ERC2: variants seen among roughly 807,000 people sequenced by gnomAD.
ERC2 encodes the protein ERC protein 2.
A neutral mutation model predicts 114.8 loss-of-function variants in ERC2; 42 were observed. The observed-to-expected ratio is 0.37, with a 90% CI of 0.29 to 0.47. ERC2 has a LOEUF of 0.47. Ranked by LOEUF, ERC2 falls within the 20% of genes least tolerant of loss-of-function variation. ERC2 has a pLI of 0.99. For missense variants in ERC2, 939 were observed against 1,150.7 expected (o/e 0.82, Z 2.66); for synonymous variants, 454 against 425.5 (o/e 1.07, Z -0.82).
chr3:55,926,799 G>T (rs2065779378), intron 13 of ERC2, among the ~76,000 whole-genome samples: 1 of 152,044 alleles, frequency 6.6e-6, no homozygotes, highest in Non-Finnish European at 1.5e-5. Context: ...CCTATTTCAG[G>T]TCTCTGTGGC....
chr3:56,380,125 A>C (rs1050911327), intron 2 of ERC2, among the ~76,000 whole-genome samples: 3 of 152,108 alleles, frequency 2.0e-5, no homozygotes, highest in African/African-American at 7.2e-5. Flanking sequence ...TCCCCTGGGA[A>C]GCAAAATTGC....
intron 14 of ERC2, among the ~76,000 whole-genome samples, chr3:55,851,117 T>G (rs1349975581): frequency 6.7e-6 from 1 of 149,538 alleles, no homozygotes; most frequent in Non-Finnish European, 1.5e-5. Context: ...GGCACATTCT[T>G]GGAAAAGCTC....
intron 6 of ERC2, among the ~76,000 whole-genome samples, chr3:56,125,116 A>G (rs893690521): frequency 6.6e-6 from 1 of 152,194 alleles, no homozygotes; most frequent in Admixed American, 6.5e-5. Flanking sequence ...TAACAAGTCC[A>G]TATTGAATCT....
chr3:56,295,435 T>C lies in ERC2; in HGVS notation c.1074+584A>G, dbSNP rs80327688. 1.9e-3 allele frequency among the ~76,000 whole-genome samples: 292 copies of C among 152,278 alleles called. 8 individuals carry two copies. In the East Asian group the frequency reaches 0.046, roughly 24 times the overall value. ...CCAGAGAGACTGCCTCTGAAGGACT[T>C]CAAATGATTTAATCTACTAAGGGCA... is the stretch of plus-strand genomic sequence containing the variant. On this transcript the variant is annotated intron_variant, in intron 3 of 17. Coordinates refer to ENST00000288221, the MANE Select transcript of ERC2 (RefSeq NM_015576.3).
intron 3 of ERC2, among the ~76,000 whole-genome samples, chr3:56,291,867 A>C (rs2055110422): frequency 6.6e-6 from 1 of 152,126 alleles, no homozygotes. Context: ...TCTAAAACTC[A>C]GTAGAGAATA....
At chr3:55,556,705 C>G (rs186949786) in intron 17 of ERC2, among the ~76,000 whole-genome samples, 2 of 152,330 alleles carry the variant, frequency 1.3e-5, no homozygotes, top group African/African-American at 4.8e-5. Context: ...AGGAGAGACT[C>G]AGGGTGGAGA....
intron 3 of ERC2, among the ~76,000 whole-genome samples, chr3:56,208,867 C>A (rs1372446754): frequency 6.6e-6 from 1 of 152,126 alleles, no homozygotes; most frequent in Non-Finnish European, 1.5e-5. Flanking sequence ...GGGGAAAATT[C>A]AGGCTGAGAA....
chr3:55,967,994 A>G (rs1389236742), intron 12 of ERC2, among the ~76,000 whole-genome samples: 1 of 152,164 alleles, frequency 6.6e-6, no homozygotes, highest in Non-Finnish European at 1.5e-5. Context: ...TTCAGTATAA[A>G]TTACCCAGTC....
chr3:56,027,506 G>GT (rs2074118166), intron 7 of ERC2, among the ~76,000 whole-genome samples: 1 of 152,044 alleles, frequency 6.6e-6, no homozygotes, highest in South Asian at 2.1e-4. Flanking sequence ...TTTTATTTTG[G>GT]TAATTCTTAT....
chr3:55,602,638 C>G (rs990279516), intron 17 of ERC2, among the ~76,000 whole-genome samples: 1 of 152,060 alleles, frequency 6.6e-6, no homozygotes, highest in Non-Finnish European at 1.5e-5. Context: ...TGGGCAGAAC[C>G]CTAGCTATTG....
chr3:55,651,413 T>A (rs1231498971), intron 17 of ERC2, among the ~76,000 whole-genome samples: 1 of 151,468 alleles, frequency 6.6e-6, no homozygotes, highest in Non-Finnish European at 1.5e-5. Context: ...TGTCTACATC[T>A]TCCTGTCCAT....
intron 3 of ERC2, among the ~76,000 whole-genome samples, chr3:56,242,254 G>A (rs2051372160): frequency 6.6e-6 from 1 of 152,098 alleles, no homozygotes; most frequent in Non-Finnish European, 1.5e-5. Context: ...TTTATAAGTG[G>A]GAGGTAAGCT....
intron 7 of ERC2, among the ~76,000 whole-genome samples, chr3:56,023,453 G>A (rs547215137): frequency 7.2e-5 from 11 of 152,044 alleles, no homozygotes; most frequent in Admixed American, 5.2e-4. Flanking sequence ...CCCTATCTTT[G>A]CCTATCTATT....
rs2066123304 is a variant in ERC2, at chr3:55,931,997, A to T, written c.2403+18428T>A. On this transcript the variant is annotated intron_variant, in intron 13 of 17. Transcript: ENST00000288221. ...TAACTTAACTATGGAATAACGATCA[A>T]CTGGATTTGTGTAGAATTTGTTCTG... is the stretch of plus-strand genomic sequence containing the variant. Among the ~76,000 whole-genome samples, 4 of 152,356 alleles carry T rather than the reference A, an allele frequency of 2.6e-5. No homozygotes were observed. The South Asian group carries it at 8.3e-4, about 32-fold the overall frequency.
At chr3:55,714,419 A>G (rs1190571344) in intron 15 of ERC2, among the ~76,000 whole-genome samples, 1 of 152,076 alleles carries the variant, frequency 6.6e-6, no homozygotes, top group Non-Finnish European at 1.5e-5. Flanking sequence ...CAAAATGTCC[A>G]TATATTAGGC....
At chr3:55,650,186 G>GC (rs2060555966) in intron 17 of ERC2, among the ~76,000 whole-genome samples, 1 of 152,120 alleles carries the variant, frequency 6.6e-6, no homozygotes, top group South Asian at 2.1e-4. Flanking sequence ...CCACTGAAAC[G>GC]CCCACCCCAC....
intron 3 of ERC2, chr3:56,173,778 A>G (rs2082815492): frequency 2.1e-6 from 1 of 474,544 alleles, no homozygotes; most frequent in African/African-American, 2.0e-5. Context: ...GCCAGCAAGT[A>G]ATCATAGTCC....
chr3:56,260,379 T>C (rs2052834670), intron 3 of ERC2, among the ~76,000 whole-genome samples: 1 of 152,138 alleles, frequency 6.6e-6, no homozygotes, highest in Admixed American at 6.6e-5. Context: ...TTGAATGAGA[T>C]GTCGCCAAGG....
At chr3:56,130,429 A>G (rs2080134488) in intron 6 of ERC2, among the ~76,000 whole-genome samples, 1 of 152,232 alleles carries the variant, frequency 6.6e-6, no homozygotes. Flanking sequence ...CATGTTCACA[A>G]TTTATAGAAT....
Sources: allele counts gnomAD v4.1 joint callset (sites outside exome capture counted in the v4.1 genomes callset), GRCh38; gene constraint gnomAD v4.1.1; transcripts MANE v1.5; gene names NCBI Gene and HGNC (gene_info 2026-07-23, HGNC 2026-07-21).